The following SLC27A4 variants were observed in gnomAD, a reference collection of about 807,000 sequenced individuals.
SLC27A4 encodes long-chain fatty acid transport protein 4.
Under a neutral mutation model 64.4 loss-of-function variants are expected in SLC27A4, and 33 were observed. That is an observed-to-expected ratio of 0.51 (90% CI 0.39 to 0.68). SLC27A4 has a LOEUF of 0.68. Ranked by LOEUF, SLC27A4 falls within the 30% of genes least tolerant of loss-of-function variation. SLC27A4 has a pLI of 0.00. For missense variants in SLC27A4, 824 were observed against 883.5 expected, an observed-to-expected ratio of 0.93 and a Z score of 0.85; for synonymous variants, 377 against 370.0, an observed-to-expected ratio of 1.02 and a Z score of -0.22.
intron 1 of SLC27A4, chr9:128,342,301 C>G: frequency 6.2e-6 from 10 of 1,611,480 alleles, no homozygotes; most frequent in Non-Finnish European, 8.5e-6. Flanking sequence ...GACAGAGATG[C>G]AAGAGAAAAA....
chr9:128,355,505 A>G lies in SLC27A4; in HGVS notation c.1570A>G (p.Thr524Ala), dbSNP rs1490857350. 8 of 1,613,156 alleles carry G rather than the reference A, an allele frequency of 5.0e-6. No homozygotes were observed. The highest frequency in any genetic ancestry group is 6.8e-6 in the Non-Finnish European group (8 of 1,180,016). Residue 524 changes from threonine (T) to alanine (A), a missense_variant, in exon 11 of 13, where the codon ACA (threonine) becomes GCA (alanine). Thr to Ala is a moderately conservative substitution (Grantham distance 58, BLOSUM62 0). Transcript: ENST00000300456. ...CGTGTCCACCACCGAGGTGGAAGGC[A>G]CACTCAGCCGCCTGCTGGACATGGC... ...ENVSTTEVEG[T>A]LSRLLDMADV...
At position 128,343,145 on chromosome 9, in the gene SLC27A4, G is replaced by T. The variant is rs587776375; in HGVS notation, c.13G>T (p.Ala5Ser). 2 of 1,613,812 alleles carry T rather than the reference G, an allele frequency of 1.2e-6. No individual in the cohort carries two copies. The highest frequency in any genetic ancestry group is 4.5e-5 in the East Asian group (2 of 44,890). Residue 5 changes from alanine (A) to serine (S), a missense_variant, in exon 2 of 13, where the codon GCC (alanine) becomes TCC (serine). By Grantham distance (99) the Ala-to-Ser change is moderately conservative. Transcript: ENST00000300456. ...TCCGCAGGCCACAATGCTGCTTGGA[G>T]CCTCTCTGGTGGGGGTGCTGCTGTT... is the stretch of plus-strand genomic sequence containing the variant. MLLG[A>S]SLVGVLLFSK...
At position 128,345,475 on chromosome 9, in the gene SLC27A4, G is replaced by T; in HGVS notation, c.482G>T (p.Arg161Leu). The change falls in exon 3 of 13, where the codon CGG (arginine) becomes CTG (leucine). Residue 161 changes from arginine (R) to leucine (L), a missense_variant. Transcript: ENST00000300456. This position sits in a 1 kb window ranked among gnomAD's most constrained non-coding sequence, Gnocchi z 4.1. ...VEAALINTNLRRDALLHCLTT... is the reference protein window; with the variant it reads ...VEAALINTNLLRDALLHCLTT... ...GCAGCCCTCATCAACACCAACCTGC[G>T]GCGGGATGCTCTGCTCCACTGCCTC... 1 of 1,613,042 alleles carries T rather than the reference G, an allele frequency of 6.2e-7. No homozygotes were observed. The highest frequency in any genetic ancestry group is 8.5e-7 in the Non-Finnish European group (1 of 1,179,928).
rs763870431 is a variant in SLC27A4 at position 128,355,526 on chromosome 9, A to G, written c.1591A>G (p.Met531Val). 6.2e-7 allele frequency: 1 copy of G among 1,612,796 alleles called. No homozygotes were observed. Among genetic ancestry groups the G allele is most frequent in the South Asian group, 1.1e-5 (1 of 91,084 alleles). ...VEGTLSRLLD[M>V]ADVAVYGVEV... ...AGGCACACTCAGCCGCCTGCTGGAC[A>G]TGGCTGACGTGGCCGTGTATGGTGT... The change falls in exon 11 of 13, where the codon ATG (methionine) becomes GTG (valine). Residue 531 changes from methionine to valine, a missense_variant. Physicochemically the swap from Met to Val is conservative, Grantham distance 21. Coordinates refer to ENST00000300456, the MANE Select transcript of SLC27A4 (RefSeq NM_005094.4).
chr9:128,350,524 A>T lies in SLC27A4; in HGVS notation c.826A>T (p.Met276Leu), dbSNP rs745700600. 1.7e-5 allele frequency: 27 copies of T among 1,613,998 alleles called. No individual in the cohort carries two copies. Among genetic ancestry groups the T allele is most frequent in the Non-Finnish European group, 2.2e-5 (26 of 1,179,972 alleles). ...MAALVYYGFR[M>L]RPNDIVYDCL... ...TGCCCTGGTGTACTATGGATTCCGC[A>T]TGCGGCCCAACGACATCGTCTATGA... Residue 276 changes from methionine (M) to leucine (L), a missense_variant, in exon 6 of 13, where the codon ATG (methionine) becomes TTG (leucine). Transcript: ENST00000300456.
In SLC27A4 at chr9:128,344,983, G is replaced by A. The variant is rs541744689; in HGVS notation, c.162-172G>A. Among the ~76,000 whole-genome samples, 4 of 152,246 alleles carry A rather than the reference G, an allele frequency of 2.6e-5. No homozygotes were observed. The South Asian group carries it at 8.3e-4, about 32-fold the overall frequency. Reference sequence around the variant, plus strand: ...AATCATACGAACTCTCAGTGTTATTGAGAGGCATCAGTAAGGCAGTGCATG... The same window carrying A: ...AATCATACGAACTCTCAGTGTTATTAAGAGGCATCAGTAAGGCAGTGCATG... On this transcript the variant is annotated intron_variant, in intron 2 of 12. Coordinates refer to ENST00000300456, the MANE Select transcript of SLC27A4 (RefSeq NM_005094.4).
At position 128,348,622 on chromosome 9, in the gene SLC27A4, C is replaced by T. The variant is rs1310472468; in HGVS notation, c.634C>T (p.Pro212Ser). The stretch of plus-strand genomic sequence containing the variant: ...TGGCTCCTGGGAGCCCGGTGCGGTG[C>T]CTCCAAGCACAGAACACCTGGACCC... ...CSGSWEPGAVPPSTEHLDPLL... is the reference protein window; with the variant it reads ...CSGSWEPGAVSPSTEHLDPLL... Residue 212 changes from proline (P) to serine (S), a missense_variant, in exon 4 of 13, where the codon CCT becomes TCT. Physicochemically the swap from Pro to Ser is moderately conservative, Grantham distance 74. Coordinates refer to ENST00000300456, the MANE Select transcript of SLC27A4 (RefSeq NM_005094.4). 1.9e-6 allele frequency: 3 copies of T among 1,613,778 alleles called. No homozygotes were observed. In the Admixed American group the frequency reaches 5.0e-5, roughly 27 times the overall value.
In SLC27A4 at chr9:128,355,765, C is replaced by G; in HGVS notation, c.1743C>G (p.Phe581Leu). 1 of 1,613,722 alleles carries G rather than the reference C, an allele frequency of 6.2e-7. No homozygotes were observed. The highest frequency in any genetic ancestry group is 8.5e-7 in the Non-Finnish European group (1 of 1,180,014). ...TGCCCCTGTATGCGCGCCCCATCTT[C>G]CTGCGCCTCCTGCCTGAGCTGCACA... is the stretch of plus-strand genomic sequence containing the variant. ...KELPLYARPI[F>L]LRLLPELHKT... is the part of the protein sequence containing the mutation. Residue 581 changes from phenylalanine to leucine, a missense_variant, in exon 12 of 13, where the codon TTC (phenylalanine) becomes TTG (leucine). Physicochemically the swap from Phe to Leu is conservative, Grantham distance 22 (BLOSUM62 0). Transcript: ENST00000300456.
chr9:128,355,029 C>T (rs1257795424), intron 9 of SLC27A4, 24 bp from the exon 10 acceptor site: 4 of 1,590,796 alleles, frequency 2.5e-6, no homozygotes, highest in Admixed American at 1.7e-5. Flanking sequence ...TAGGGCAGAT[C>T]TGACCCTGCC....
At chr9:128,346,970 G>A (rs751649686) in intron 3 of SLC27A4, among the ~76,000 whole-genome samples, 11 of 152,038 alleles carry the variant, frequency 7.2e-5, no homozygotes. Flanking sequence ...ACGTCACTGT[G>A]TTCCAGCCTG....
intron 3 of SLC27A4, among the ~76,000 whole-genome samples, chr9:128,348,007 G>A (rs1331423826): frequency 1.3e-5 from 2 of 152,198 alleles, no homozygotes; most frequent in Non-Finnish European, 2.9e-5. Flanking sequence ...AAGCCGACCA[G>A]CGCTGCTCCA....
At position 128,350,542 on chromosome 9, in the gene SLC27A4, G is replaced by T; in HGVS notation, c.844G>T (p.Val282Phe). The change falls in exon 6 of 13, where the codon GTC becomes TTC. Residue 282 changes from valine (V) to phenylalanine (F), a missense_variant. By Grantham distance (50) the Val-to-Phe change is conservative. Transcript: ENST00000300456. ...ATTCCGCATGCGGCCCAACGACATC[G>T]TCTATGACTGCCTCCCCCTCTACCA... ...YGFRMRPNDI[V>F]YDCLPLYHSA... is the part of the protein sequence containing the mutation. 6.2e-7 allele frequency: 1 copy of T among 1,613,706 alleles called. No homozygotes were observed. Among genetic ancestry groups the T allele is most frequent in the Non-Finnish European group, 8.5e-7 (1 of 1,179,878 alleles).
chr9:128,342,362 C>A (rs536561595), intron 1 of SLC27A4: 170 of 1,611,016 alleles, frequency 1.1e-4, no homozygotes, highest in Admixed American at 5.5e-4. Flanking sequence ...GCAAGCGAAT[C>A]GTAATGAGGC....
Position 128,360,745 on chromosome 9 carries a change from C to G in SLC27A4, c.*254C>G. The G allele has an allele frequency of 1.9e-6, 1 of 518,062 alleles. No homozygotes were observed. Among genetic ancestry groups the G allele is most frequent in the Non-Finnish European group, 3.5e-6 (1 of 284,684 alleles). The allele number at this position is 518,062 out of a possible 1,614,324, so 32.1% of individuals were successfully genotyped here. On this transcript the variant is annotated 3_prime_UTR_variant, in exon 13 of 13. Coordinates refer to ENST00000300456, the MANE Select transcript of SLC27A4 (RefSeq NM_005094.4). ...CCTCTGGTTCCCAGGCTGAGACTGA[C>G]GGGTTTTCTCAGGATGATGTCTTGG...
At position 128,348,723 on chromosome 9, in the gene SLC27A4, C is replaced by T. The variant is rs905737156; in HGVS notation, c.715+20C>T. ...TCACAGGTGGGCTCCATCCCCTCCC[C>T]ATAGAGGGGCTCTCACACAGGCCCT... On this transcript the variant is annotated intron_variant, in intron 4 of 12. Transcript: ENST00000300456. 6.2e-7 allele frequency: 1 copy of T among 1,611,208 alleles called. No individual in the cohort carries two copies. The highest frequency in any genetic ancestry group is 1.7e-5 in the Admixed American group (1 of 60,012).
chr9:128,360,256 C>T (rs1051257495), intron 12 of SLC27A4, 78 bp from the exon 13 acceptor site: 1 of 1,516,666 alleles, frequency 6.6e-7, no homozygotes, highest in Admixed American at 1.7e-5. Context: ...TGCTCCCTGC[C>T]TTCCTCAGTA....
chr9:128,355,306 C>A (rs1588564690), intron 10 of SLC27A4, 92 bp from the exon 11 acceptor site: 1 of 1,602,690 alleles, frequency 6.2e-7, no homozygotes, highest in East Asian at 2.2e-5. Flanking sequence ...TGTGGTCAAA[C>A]AAATCCTTGG....
intron 6 of SLC27A4, among the ~76,000 whole-genome samples, chr9:128,352,119 C>T (rs1291224710): frequency 6.6e-6 from 1 of 151,340 alleles, no homozygotes; most frequent in East Asian, 1.9e-4. Flanking sequence ...GGCATGAACC[C>T]GGAAGGCGGA....
At chr9:128,347,869 A>C (rs548683818) in intron 3 of SLC27A4, among the ~76,000 whole-genome samples, 2 of 151,594 alleles carry the variant, frequency 1.3e-5, no homozygotes, top group East Asian at 3.9e-4. Flanking sequence ...TCTATTTAAA[A>C]AAAGCAAAAG....
Sources: allele counts gnomAD v4.1 joint callset (sites outside exome capture counted in the v4.1 genomes callset), GRCh38; gene constraint gnomAD v4.1.1; non-coding constraint Gnocchi (gnomAD v3.1); transcripts MANE v1.5; gene names NCBI Gene and HGNC (gene_info 2026-07-23, HGNC 2026-07-21).